Variants in OPCML observed in about 807,000 individuals in gnomAD.
The protein encoded by OPCML is opioid binding protein/cell adhesion molecule like.
In OPCML, 13 loss-of-function variants were observed where a neutral mutation model predicts 37.8. The observed-to-expected ratio is 0.34, with a 90% CI of 0.22 to 0.55. The LOEUF is 0.55. OPCML is among the 20% of genes least tolerant of loss of function. The pLI, the probability that OPCML is intolerant of heterozygous loss-of-function variation, is 0.91. For synonymous variants in OPCML, 176 were observed against 168.8 expected (o/e 1.04, Z -0.33); for missense variants, 341 against 435.6 (o/e 0.78, Z 1.93).
At chr11:132,696,267 A>T (rs1399660902) in intron 2 of OPCML, among the ~76,000 whole-genome samples, 1 of 152,170 alleles carries the variant, frequency 6.6e-6, no homozygotes, top group Non-Finnish European at 1.5e-5. Flanking sequence ...TATGGGAGAA[A>T]CTCAGTAGGA....
chr11:132,544,543 C>T (rs761630277), intron 3 of OPCML, among the ~76,000 whole-genome samples: 5 of 152,150 alleles, frequency 3.3e-5, no homozygotes, highest in Admixed American at 6.5e-5. Context: ...GTTTAAAACA[C>T]ATTAAGTACA....
intron 1 of OPCML, among the ~76,000 whole-genome samples, chr11:133,246,055 GC>G (rs57874250): frequency 0.31 from 46,397 of 151,906 alleles, 8,253 homozygotes; most frequent in African/African-American, 0.49. Flanking sequence ...TGCAGCAACC[GC>G]CATGGCACAT....
At chr11:132,831,189 A>C (rs1403128403) in intron 2 of OPCML, among the ~76,000 whole-genome samples, 1 of 152,212 alleles carries the variant, frequency 6.6e-6, no homozygotes, top group Non-Finnish European at 1.5e-5. Flanking sequence ...AAGAAGATCC[A>C]CATGAAATAC....
chr11:133,144,620 C>T (rs529350459), intron 1 of OPCML, among the ~76,000 whole-genome samples: 2 of 152,310 alleles, frequency 1.3e-5, no homozygotes, highest in African/African-American at 4.8e-5. Context: ...AAGCATTTGT[C>T]GAGTGCATAA....
chr11:133,337,149 G>A (rs934917193), intron 1 of OPCML, among the ~76,000 whole-genome samples: 3 of 152,200 alleles, frequency 2.0e-5, no homozygotes, highest in Non-Finnish European at 2.9e-5. Flanking sequence ...ATTTAGATAT[G>A]ATAAGCAAGA....
intron 2 of OPCML, among the ~76,000 whole-genome samples, chr11:132,874,145 A>G (rs1423856351): frequency 5.9e-5 from 9 of 152,220 alleles, no homozygotes; most frequent in Admixed American, 5.9e-4. Flanking sequence ...GCCATCAATT[A>G]TATACTTCTT....
At chr11:132,684,079 G>T (rs370107270) in intron 2 of OPCML, among the ~76,000 whole-genome samples, 3 of 151,946 alleles carry the variant, frequency 2.0e-5, no homozygotes, top group African/African-American at 7.3e-5. Flanking sequence ...AATCCCTTTT[G>T]CAAATAAAGA....
At chr11:132,931,674 A>G (rs762636875) in intron 2 of OPCML, among the ~76,000 whole-genome samples, 5 of 152,192 alleles carry the variant, frequency 3.3e-5, no homozygotes, top group Non-Finnish European at 7.4e-5. Context: ...GTTGGCAAGA[A>G]GGTGGTGAAG....
chr11:132,876,651 T>C (rs1404509836), intron 2 of OPCML, among the ~76,000 whole-genome samples: 1 of 152,204 alleles, frequency 6.6e-6, no homozygotes, highest in Non-Finnish European at 1.5e-5. Flanking sequence ...CTATATCTAA[T>C]ATAAATGTCC....
At chr11:133,213,228 T>G (rs1158199530) in intron 1 of OPCML, among the ~76,000 whole-genome samples, 2 of 150,696 alleles carry the variant, frequency 1.3e-5, no homozygotes, top group South Asian at 2.1e-4. Context: ...AATGAGTTTT[T>G]TTTTTTTTTT....
intron 2 of OPCML, among the ~76,000 whole-genome samples, chr11:132,891,473 T>A (rs1943646236): frequency 6.6e-6 from 1 of 152,228 alleles, no homozygotes; most frequent in Non-Finnish European, 1.5e-5. Flanking sequence ...TAAACTGGAA[T>A]ATTTAAAATT....
chr11:133,062,497 G>A (rs1948363613), intron 1 of OPCML, among the ~76,000 whole-genome samples: 1 of 152,188 alleles, frequency 6.6e-6, no homozygotes, highest in Admixed American at 6.5e-5. Context: ...AGGCTCAAGA[G>A]TCCTCCTTGC....
At chr11:132,529,496 C>A (rs551146760) in intron 3 of OPCML, among the ~76,000 whole-genome samples, 1 of 152,236 alleles carries the variant, frequency 6.6e-6, no homozygotes, top group East Asian at 1.9e-4. Flanking sequence ...ACAAAGCCTT[C>A]CAAGAGCTCC....
chr11:132,669,553 C>A (rs1027972125), intron 2 of OPCML, among the ~76,000 whole-genome samples: 10 of 152,154 alleles, frequency 6.6e-5, no homozygotes, highest in African/African-American at 2.4e-4. Flanking sequence ...GGTATCTCCA[C>A]AGAAAAATGC....
At chr11:132,680,248 A>G (rs1179856268) in intron 2 of OPCML, among the ~76,000 whole-genome samples, 1 of 152,150 alleles carries the variant, frequency 6.6e-6, no homozygotes, top group Non-Finnish European at 1.5e-5. Context: ...ATGGGATAAA[A>G]CACCCACTTT....
At chr11:132,526,362 T>C (rs963743030) in intron 4 of OPCML, among the ~76,000 whole-genome samples, 1 of 152,176 alleles carries the variant, frequency 6.6e-6, no homozygotes, top group African/African-American at 2.4e-5. Context: ...TAGGCAAAAT[T>C]ATCATGGAAC....
chr11:133,500,862 C>T (rs1947895708), intron 1 of OPCML, among the ~76,000 whole-genome samples: 2 of 151,762 alleles, frequency 1.3e-5, no homozygotes, highest in African/African-American at 2.4e-5. Flanking sequence ...AGAAAGAAGG[C>T]AGGAAAGTAG....
At chr11:133,024,472 A>T (rs890559923) in intron 1 of OPCML, 2 of 985,116 alleles carry the variant, frequency 2.0e-6, no homozygotes, top group Admixed American at 6.1e-5. Context: ...CACACAGCAG[A>T]GGGGCAGGTT....
At chr11:132,421,882 G>A (rs1050581900) in intron 7 of OPCML, among the ~76,000 whole-genome samples, 23 of 152,120 alleles carry the variant, frequency 1.5e-4, no homozygotes, top group African/African-American at 4.8e-4. Context: ...TCAGGTTGAA[G>A]CTCAAGGTAA....
Sources: gnomAD v4.1 joint callset for allele counts (sites outside exome capture counted in the v4.1 genomes callset) on GRCh38, gnomAD v4.1.1 for gene constraint, MANE v1.5 for transcripts, NCBI Gene and HGNC (gene_info 2026-07-23, HGNC 2026-07-21) for gene names.